The following FIGN variants were observed in gnomAD, a reference collection of about 807,000 sequenced individuals.
The protein encoded by FIGN is fidgetin.
A neutral mutation model predicts 51.3 loss-of-function variants in FIGN; 11 were observed. The ratio of observed to expected loss-of-function variants is 0.21; its 90% CI spans 0.13 to 0.35. The LOEUF (loss-of-function observed/expected upper bound fraction) is 0.35, where lower values mean the gene tolerates loss of function less well. Among genes scored for constraint, FIGN ranks in the 10% least tolerant of loss-of-function variants. The pLI is 1.00. For missense variants in FIGN, 857 were observed against 943.6 expected (o/e 0.91, Z 1.20); for synonymous variants, 407 against 363.2 (o/e 1.12, Z -1.37).
intron 2 of FIGN, among the ~76,000 whole-genome samples, chr2:163,708,405 T>A (rs573677976): frequency 6.6e-6 from 1 of 152,246 alleles, no homozygotes; most frequent in South Asian, 2.1e-4. Context: ...ATATAGCAAT[T>A]TACTATTGAC....
intron 2 of FIGN, among the ~76,000 whole-genome samples, chr2:163,641,702 GCC>G (rs1683308753): frequency 2.0e-5 from 3 of 150,694 alleles, no homozygotes; most frequent in Non-Finnish European, 4.5e-5. Flanking sequence ...GGCAGCAAAT[GCC>G]ATGGCAAATG....
chr2:163,679,442 G>A (rs1396902639), intron 2 of FIGN, among the ~76,000 whole-genome samples: 1 of 151,672 alleles, frequency 6.6e-6, no homozygotes, highest in African/African-American at 2.4e-5. Context: ...CTTGCAGTGA[G>A]CAGAGATCAC....
intron 2 of FIGN, among the ~76,000 whole-genome samples, chr2:163,654,728 T>C (rs868017556): frequency 6.6e-6 from 1 of 152,166 alleles, no homozygotes; most frequent in African/African-American, 2.4e-5. Context: ...GGATTGTTTA[T>C]AACACAAAGA....
At chr2:163,723,219 A>G (rs1205205274) in intron 2 of FIGN, among the ~76,000 whole-genome samples, 1 of 151,416 alleles carries the variant, frequency 6.6e-6, no homozygotes, top group Non-Finnish European at 1.5e-5. Context: ...AAAATAATAA[A>G]ATAAAATAAA....
intron 2 of FIGN, among the ~76,000 whole-genome samples, chr2:163,618,433 T>G (rs556962174): frequency 6.6e-6 from 1 of 151,612 alleles, no homozygotes; most frequent in Non-Finnish European, 1.5e-5. Flanking sequence ...TTTTAAACAA[T>G]TATGAAGGCA....
At chr2:163,661,309 G>A (rs897819811) in intron 2 of FIGN, among the ~76,000 whole-genome samples, 10 of 151,084 alleles carry the variant, frequency 6.6e-5, no homozygotes, top group Admixed American at 1.3e-4. Flanking sequence ...ATGTGATCTC[G>A]GCTCACTGCA....
chr2:163,691,000 T>C (rs779212051), intron 2 of FIGN, among the ~76,000 whole-genome samples: 2 of 152,180 alleles, frequency 1.3e-5, no homozygotes, highest in Non-Finnish European at 2.9e-5. Flanking sequence ...CATTTTTCAA[T>C]ATGCTGTTGG....
At chr2:163,637,345 C>T (rs1475202113) in intron 2 of FIGN, among the ~76,000 whole-genome samples, 1 of 152,148 alleles carries the variant, frequency 6.6e-6, no homozygotes, top group Non-Finnish European at 1.5e-5. Flanking sequence ...AAAAAATCTT[C>T]CCACAAATCT....
intron 2 of FIGN, among the ~76,000 whole-genome samples, chr2:163,672,793 T>A (rs1683898767): frequency 6.6e-6 from 1 of 152,162 alleles, no homozygotes; most frequent in African/African-American, 2.4e-5. Flanking sequence ...GGGTGCAGAG[T>A]CCTTAGTTCA....
intron 2 of FIGN, among the ~76,000 whole-genome samples, chr2:163,676,484 A>ATATATATCTAT (rs1491432139): frequency 7.2e-5 from 4 of 55,702 alleles, no homozygotes; most frequent in African/African-American, 1.0e-4. Context: ...TATATATATA[A>ATATATATCTAT]CTAGAGTCTG....
intron 2 of FIGN, among the ~76,000 whole-genome samples, chr2:163,691,402 C>T (rs746937483): frequency 2.6e-5 from 4 of 152,062 alleles, no homozygotes; most frequent in African/African-American, 7.2e-5. Context: ...TGGTGACAAA[C>T]GAGGAACAAT....
chr2:163,609,972 A>C lies in FIGN; in HGVS notation c.1860T>G (p.Ala620=). The change falls in exon 3 of 3, where the codon GCT becomes GCG. Residue 620 remains alanine, a synonymous_variant. Transcript: ENST00000333129. The part of the protein sequence containing the change: ...LMQLDTVLTS[A]EDQIVVICAT... The stretch of plus-strand genomic sequence containing the variant: ...CACAAATTACTACGATTTGGTCCTC[A>C]GCCGAAGTTAGTACAGTGTCCAGTT... 6.2e-7 allele frequency: 1 copy of C among 1,614,050 alleles called. No individual in the cohort carries two copies. The highest frequency in any genetic ancestry group is 8.5e-7 in the Non-Finnish European group (1 of 1,180,008).
At chr2:163,682,982 C>A (rs575550784) in intron 2 of FIGN, among the ~76,000 whole-genome samples, 3 of 151,984 alleles carry the variant, frequency 2.0e-5, no homozygotes, top group African/African-American at 7.2e-5. Flanking sequence ...TTCTTTTTTT[C>A]TTTTAGCAGT....
chr2:163,644,378 G>A (rs906272634), intron 2 of FIGN, among the ~76,000 whole-genome samples: 1 of 152,120 alleles, frequency 6.6e-6, no homozygotes, highest in African/African-American at 2.4e-5. Context: ...AAACCACAAT[G>A]AAATACCATT....
chr2:163,664,779 T>G (rs551474953), intron 2 of FIGN, among the ~76,000 whole-genome samples: 1 of 152,210 alleles, frequency 6.6e-6, no homozygotes, highest in South Asian at 2.1e-4. Context: ...GCCACAAAAA[T>G]GCAACAAGCA....
At chr2:163,618,458 G>C (rs1682913833) in intron 2 of FIGN, among the ~76,000 whole-genome samples, 1 of 151,112 alleles carries the variant, frequency 6.6e-6, no homozygotes, top group Admixed American at 6.6e-5. Flanking sequence ...TGGCTAAATG[G>C]GTCTTAGTAA....
chr2:163,688,397 T>A (rs957563459), intron 2 of FIGN, among the ~76,000 whole-genome samples: 9 of 152,146 alleles, frequency 5.9e-5, no homozygotes, highest in African/African-American at 2.2e-4. Flanking sequence ...TGGAAAAGAT[T>A]AGAAGTGAAG....
At chr2:163,676,475 A>ATATATC (rs1683970922) in intron 2 of FIGN, among the ~76,000 whole-genome samples, 1 of 107,150 alleles carries the variant, frequency 9.3e-6, no homozygotes, top group Non-Finnish European at 1.9e-5. Context: ...ATATATATAT[A>ATATATC]TATATATAAC....
intron 2 of FIGN, among the ~76,000 whole-genome samples, chr2:163,717,303 AAG>A (rs1189693476): frequency 5.3e-5 from 8 of 152,154 alleles, no homozygotes; most frequent in Non-Finnish European, 8.8e-5. Context: ...GGGGCAGAGA[AAG>A]AGAGCAATTT....
Sources: gnomAD v4.1 joint callset for allele counts (sites outside exome capture counted in the v4.1 genomes callset) on GRCh38, gnomAD v4.1.1 for gene constraint, MANE v1.5 for transcripts, NCBI Gene and HGNC (gene_info 2026-07-23, HGNC 2026-07-21) for gene names.